SETBP1: variants seen among roughly 807,000 people sequenced by gnomAD.
The protein encoded by SETBP1 is SET binding protein 1, also known as SET-binding protein.
In SETBP1, 9 loss-of-function variants were observed where a neutral mutation model predicts 101.0. The ratio of observed to expected loss-of-function variants is 0.09; its 90% CI spans 0.05 to 0.16. The LOEUF (loss-of-function observed/expected upper bound fraction) is 0.16, where lower values mean the gene tolerates loss of function less well. SETBP1 is among the 10% of genes least tolerant of loss of function. The pLI, the probability that SETBP1 is intolerant of heterozygous loss-of-function variation, is 1.00. For synonymous variants in SETBP1, 818 were observed against 788.5 expected, an observed-to-expected ratio of 1.04 and a Z score of -0.63; for missense variants, 1,858 against 2,033.8, an observed-to-expected ratio of 0.91 and a Z score of 1.66.
chr18:44,800,810 C>T (rs2071591058), intron 2 of SETBP1, among the ~76,000 whole-genome samples: 1 of 152,010 alleles, frequency 6.6e-6, no homozygotes, highest in Admixed American at 6.6e-5. Context: ...CAGTGGGTGC[C>T]ATTAAAAGAC....
chr18:45,051,242 CT>C (rs1165492181), intron 5 of SETBP1, among the ~76,000 whole-genome samples: 15 of 152,008 alleles, frequency 9.9e-5, no homozygotes, highest in African/African-American at 3.6e-4. Context: ...GATGAATGAG[CT>C]TTTTCTTCTT....
At chr18:44,682,375 C>T (rs1031641160) in intron 1 of SETBP1, among the ~76,000 whole-genome samples, 2 of 152,154 alleles carry the variant, frequency 1.3e-5, no homozygotes, top group African/African-American at 4.8e-5. Flanking sequence ...TTGCACACCC[C>T]AGCTGGGATG....
intron 1 of SETBP1, among the ~76,000 whole-genome samples, chr18:44,698,026 T>C (rs1397351965): frequency 6.6e-6 from 1 of 152,236 alleles, no homozygotes; most frequent in Non-Finnish European, 1.5e-5. Flanking sequence ...CTGGTTTGAC[T>C]TGAGTAGTTA....
At chr18:44,942,436 C>T (rs1363463110) in intron 3 of SETBP1, among the ~76,000 whole-genome samples, 1 of 152,180 alleles carries the variant, frequency 6.6e-6, no homozygotes, top group Non-Finnish European at 1.5e-5. Flanking sequence ...CTACATAGCT[C>T]CCCTTTCTCA....
chr18:44,797,610 G>A (rs2071508238), intron 2 of SETBP1, among the ~76,000 whole-genome samples: 1 of 152,032 alleles, frequency 6.6e-6, no homozygotes, highest in African/African-American at 2.4e-5. Context: ...TGGCGAAAAT[G>A]GTAGCTCTCT....
At chr18:44,960,427 T>C (rs1472726450) in intron 4 of SETBP1, among the ~76,000 whole-genome samples, 1 of 152,164 alleles carries the variant, frequency 6.6e-6, no homozygotes, top group Non-Finnish European at 1.5e-5. Flanking sequence ...CTCCAACTTC[T>C]GGGCTCAAGC....
chr18:44,882,252 G>T (rs2069546363), intron 3 of SETBP1, among the ~76,000 whole-genome samples: 1 of 152,078 alleles, frequency 6.6e-6, no homozygotes, highest in Non-Finnish European at 1.5e-5. Context: ...TGGGTGTGTG[G>T]CTGCCACTAC....
Position 44,720,129 on chromosome 18 carries a change from A to G in SETBP1, c.486+18297A>G, listed in dbSNP as rs145355444. Among the ~76,000 whole-genome samples, 349 of 152,284 alleles carry G rather than the reference A, an allele frequency of 2.3e-3. 2 individuals are homozygous for G. The highest frequency in any genetic ancestry group is 8.1e-3 in the African/African-American group (337 of 41,566). On this transcript the variant is annotated intron_variant, in intron 2 of 5. Coordinates refer to ENST00000649279, the MANE Select transcript of SETBP1 (RefSeq NM_015559.3). ...GCCTCTGGGATGATAGATATTGCATACAATCTGATAGAGCCCTGGCTTAAG... is the reference window on the plus strand; with the variant it reads ...GCCTCTGGGATGATAGATATTGCATGCAATCTGATAGAGCCCTGGCTTAAG...
intron 2 of SETBP1, among the ~76,000 whole-genome samples, chr18:44,734,122 T>C (rs947152582): frequency 6.6e-6 from 1 of 152,156 alleles, no homozygotes; most frequent in East Asian, 1.9e-4. Flanking sequence ...AGTACACTAG[T>C]TGAGATCATT....
chr18:44,796,514 A>G (rs1026122578), intron 2 of SETBP1, among the ~76,000 whole-genome samples: 6 of 152,202 alleles, frequency 3.9e-5, no homozygotes, highest in Non-Finnish European at 5.9e-5. Context: ...GGAGCCCCAC[A>G]ATCTGTATTT....
chr18:44,892,159 C>A (rs1054550282), intron 3 of SETBP1, among the ~76,000 whole-genome samples: 2 of 152,170 alleles, frequency 1.3e-5, no homozygotes, highest in Non-Finnish European at 2.9e-5. Flanking sequence ...CCTAAATTAT[C>A]TCCAAATTGT....
At chr18:44,781,352 T>C (rs1469142756) in intron 2 of SETBP1, among the ~76,000 whole-genome samples, 1 of 152,108 alleles carries the variant, frequency 6.6e-6, no homozygotes, top group Non-Finnish European at 1.5e-5. Flanking sequence ...ATTTCACACA[T>C]GGTATTCTGA....
At position 44,955,363 on chromosome 18, in the gene SETBP1, G is replaced by T. The variant is rs2071459898; in HGVS notation, c.4000+2023G>T. 2.6e-5 allele frequency among the ~76,000 whole-genome samples: 4 copies of T among 152,156 alleles called. No homozygotes were observed. The South Asian group carries it at 8.3e-4, about 32-fold the overall frequency. On this transcript the variant is annotated intron_variant, in intron 4 of 5. Coordinates refer to ENST00000649279, the MANE Select transcript of SETBP1 (RefSeq NM_015559.3). ...CATGACAATGTCATGAAAGAAAGCTGGATTCAACCCGAAGAACTGGATACA... is the reference window on the plus strand; with the variant it reads ...CATGACAATGTCATGAAAGAAAGCTTGATTCAACCCGAAGAACTGGATACA...
intron 1 of SETBP1, among the ~76,000 whole-genome samples, chr18:44,688,975 G>T (rs1181957853): frequency 6.6e-6 from 1 of 152,214 alleles, no homozygotes; most frequent in Non-Finnish European, 1.5e-5. Context: ...TGTGGCTTTT[G>T]CCCTGGGAGA....
intron 5 of SETBP1, among the ~76,000 whole-genome samples, chr18:45,039,543 C>T (rs2073467715): frequency 6.6e-6 from 1 of 152,234 alleles, no homozygotes. Context: ...CAACTTCTCC[C>T]ATGTAACAAA....
At chr18:44,727,658 T>A (rs1331575598) in intron 2 of SETBP1, among the ~76,000 whole-genome samples, 1 of 152,128 alleles carries the variant, frequency 6.6e-6, no homozygotes, top group Non-Finnish European at 1.5e-5. Flanking sequence ...AAATATGAAA[T>A]CTCTACCACC....
At chr18:44,737,915 A>T (rs1261072476) in intron 2 of SETBP1, among the ~76,000 whole-genome samples, 1 of 152,212 alleles carries the variant, frequency 6.6e-6, no homozygotes, top group East Asian at 1.9e-4. Flanking sequence ...TGTACAACCT[A>T]TAAGTGAATT....
intron 4 of SETBP1, among the ~76,000 whole-genome samples, chr18:44,993,622 A>C (rs993922004): frequency 3.9e-4 from 59 of 152,078 alleles, no homozygotes; most frequent in African/African-American, 1.4e-3. Context: ...TTTATTAAAA[A>C]ATACAATTGA....
At chr18:44,933,744 C>T (rs535840093) in intron 3 of SETBP1, among the ~76,000 whole-genome samples, 93 of 152,298 alleles carry the variant, frequency 6.1e-4, no homozygotes, top group African/African-American at 1.9e-3. Context: ...TGGTACCCTC[C>T]GAGCCAGGCA....
Sources: gnomAD v4.1 joint callset for allele counts (sites outside exome capture counted in the v4.1 genomes callset) on GRCh38, gnomAD v4.1.1 for gene constraint, MANE v1.5 for transcripts, NCBI Gene and HGNC (gene_info 2026-07-23, HGNC 2026-07-21) for gene names.